Variants in DIP2C observed in about 807,000 individuals in gnomAD.
DIP2C encodes disco-interacting protein 2 homolog C.
DIP2C carries 33 observed loss-of-function variants against 192.4 expected under a neutral mutation model. The observed-to-expected ratio is 0.17, with a 90% confidence interval of 0.13 to 0.23. DIP2C has a LOEUF of 0.23. DIP2C is among the 10% of genes least tolerant of loss of function. The pLI, the probability that DIP2C is intolerant of heterozygous loss-of-function variation, is 1.00. For missense variants in DIP2C, 1,537 were observed against 2,110.1 expected (o/e 0.73, Z 5.32); for synonymous variants, 979 against 864.1 (o/e 1.13, Z -2.33).
chr10:300,652 C>T (rs1272899538), intron 32 of DIP2C, among the ~76,000 whole-genome samples: 2 of 148,840 alleles, frequency 1.3e-5, no homozygotes, highest in Non-Finnish European at 3.0e-5. Context: ...GTGGAGAAGC[C>T]GGAACCCAGG....
chr10:531,167 C>A (rs917342402), intron 1 of DIP2C, among the ~76,000 whole-genome samples: 5 of 152,198 alleles, frequency 3.3e-5, no homozygotes, highest in African/African-American at 1.2e-4. Context: ...AAGGTGAACA[C>A]AGATGTTACA....
chr10:395,414 T>C (rs1218683877), intron 10 of DIP2C, among the ~76,000 whole-genome samples: 1 of 152,178 alleles, frequency 6.6e-6, no homozygotes, highest in East Asian at 1.9e-4. Context: ...TAAATGTATA[T>C]AATTATAACT....
At position 476,573 on chromosome 10, in the gene DIP2C, CG is replaced by C. The variant is rs527805523; in HGVS notation, c.158-4025del. ...CAGGTGCAGAAGTGATCCATGAGTG[CG>C]AGCGGCCCGGTGTCACCCTTGTGCG... is the stretch of plus-strand genomic sequence containing the variant. On this transcript the variant is annotated intron_variant, in intron 2 of 36. Coordinates refer to ENST00000280886, the MANE Select transcript of DIP2C (RefSeq NM_014974.3). Among the ~76,000 whole-genome samples the C allele has an allele frequency of 5.3e-5, 8 of 152,296 alleles. No individual in the cohort carries two copies. The South Asian group carries it at 1.7e-3, about 32-fold the overall frequency.
At chr10:469,375 G>A (rs1483859011) in intron 3 of DIP2C, among the ~76,000 whole-genome samples, 2 of 149,774 alleles carry the variant, frequency 1.3e-5, no homozygotes, top group African/African-American at 5.0e-5. Flanking sequence ...GGAGTGCAGT[G>A]GTATGATCTC....
chr10:358,032 C>G (rs1417630337), intron 22 of DIP2C, 95 bp from the exon 23 acceptor site: 1 of 860,656 alleles, frequency 1.2e-6, no homozygotes, highest in Non-Finnish European at 1.8e-6. Context: ...TCTCGGAAAA[C>G]TTCTGGAAAG....
chr10:527,406 A>AT (rs1423679355), intron 1 of DIP2C, among the ~76,000 whole-genome samples: 1 of 152,192 alleles, frequency 6.6e-6, no homozygotes, highest in African/African-American at 2.4e-5. Flanking sequence ...TGCTTTTGTA[A>AT]TTTTTAATAT....
At chr10:287,542 C>CT (rs1254482299) in intron 33 of DIP2C, among the ~76,000 whole-genome samples, 2 of 152,234 alleles carry the variant, frequency 1.3e-5, no homozygotes, top group East Asian at 3.9e-4. Flanking sequence ...CACATTCCTA[C>CT]TGTTGGAACC....
chr10:594,649 C>T (rs1352240839), intron 1 of DIP2C, among the ~76,000 whole-genome samples: 6 of 149,330 alleles, frequency 4.0e-5, no homozygotes, highest in African/African-American at 7.8e-5. Flanking sequence ...GGTGCTTTCT[C>T]GAGTCCCTGG....
At chr10:477,013 C>T (rs1843082339) in intron 2 of DIP2C, among the ~76,000 whole-genome samples, 1 of 2,238 alleles carries the variant, frequency 4.5e-4, no homozygotes, top group East Asian at 9.8e-3. Context: ...GGAACATTTC[C>T]ATTTAAATCC....
intron 1 of DIP2C, among the ~76,000 whole-genome samples, chr10:597,544 C>G (rs1851786645): frequency 6.6e-6 from 1 of 152,196 alleles, no homozygotes; most frequent in Admixed American, 6.5e-5. Flanking sequence ...GGCAGCAGGG[C>G]TGGGCAGGAG....
At chr10:516,203 G>A (rs1023963110) in intron 1 of DIP2C, among the ~76,000 whole-genome samples, 1 of 143,882 alleles carries the variant, frequency 7.0e-6, no homozygotes, top group African/African-American at 2.6e-5. Flanking sequence ...CAGGAAAGAT[G>A]GAGCTGACAA....
At chr10:441,596 T>TA (rs1488543064) in intron 3 of DIP2C, among the ~76,000 whole-genome samples, 1 of 152,230 alleles carries the variant, frequency 6.6e-6, no homozygotes, top group Non-Finnish European at 1.5e-5. Context: ...TCTGATGGTT[T>TA]ATTAGAGGTT....
At chr10:624,336 G>A (rs867265435) in intron 1 of DIP2C, among the ~76,000 whole-genome samples, 40 of 152,318 alleles carry the variant, frequency 2.6e-4, no homozygotes, top group African/African-American at 9.4e-4. Flanking sequence ...CACGCTGCAG[G>A]TGGGACCGTC....
intron 1 of DIP2C, among the ~76,000 whole-genome samples, chr10:539,064 C>T (rs947350454): frequency 4.0e-5 from 6 of 151,588 alleles, no homozygotes; most frequent in Admixed American, 1.3e-4. Context: ...TGTCTGTTCA[C>T]GTCATTCCGT....
chr10:472,325 G>A (rs1017681434), intron 3 of DIP2C, 114 bp downstream of exon 3: 7 of 869,302 alleles, frequency 8.1e-6, no homozygotes, highest in South Asian at 3.4e-5. Flanking sequence ...GAGGCCCCTC[G>A]CGTGCTGCAG....
intron 1 of DIP2C, among the ~76,000 whole-genome samples, chr10:618,403 C>T (rs972060309): frequency 2.0e-5 from 3 of 152,248 alleles, no homozygotes; most frequent in Admixed American, 6.5e-5. Context: ...GCCCCTGAGC[C>T]GGACGCCCGC....
intron 1 of DIP2C, among the ~76,000 whole-genome samples, chr10:502,385 A>C (rs1320264437): frequency 1.3e-4 from 20 of 152,232 alleles, no homozygotes; most frequent in Admixed American, 1.3e-3. Context: ...CAAAAATTAA[A>C]ATCTATGAAA....
At chr10:310,237 G>A in intron 31 of DIP2C, 145 bp from the exon 32 acceptor site, 1 of 703,648 alleles carries the variant, frequency 1.4e-6, no homozygotes, top group Non-Finnish European at 2.4e-6. Flanking sequence ...ACCTCTCAAG[G>A]CACCTGCTAA....
intron 32 of DIP2C, among the ~76,000 whole-genome samples, chr10:301,910 A>G (rs576565428): frequency 1.1e-3 from 170 of 152,312 alleles, no homozygotes; most frequent in South Asian, 1.9e-3. Flanking sequence ...ACCACAAGTG[A>G]CATGGTGTGA....
Sources: allele counts gnomAD v4.1 joint callset (sites outside exome capture counted in the v4.1 genomes callset), GRCh38; gene constraint gnomAD v4.1.1; transcripts MANE v1.5; gene names NCBI Gene and HGNC (gene_info 2026-07-23, HGNC 2026-07-21).